Variants in DDX31 observed in about 807,000 individuals in gnomAD.
DDX31 encodes the protein ATP-dependent DNA helicase DDX31.
In DDX31, 70 loss-of-function variants were observed where a neutral mutation model predicts 91.3. That is an observed-to-expected ratio of 0.77 (90% confidence interval 0.63 to 0.94). The LOEUF is 0.94. Ranked by LOEUF, DDX31 falls within the 40% of genes least tolerant of loss-of-function variation. The pLI, the probability that DDX31 is intolerant of heterozygous loss-of-function variation, is 0.00. For missense variants in DDX31, 902 were observed against 925.0 expected, an observed-to-expected ratio of 0.98 and a Z score of 0.32; for synonymous variants, 362 against 350.6, an observed-to-expected ratio of 1.03 and a Z score of -0.36.
In DDX31 at chr9:132,594,705, G is replaced by T; in HGVS notation, c.*161C>A. The T allele has an allele frequency of 8.3e-7, 1 of 1,198,058 alleles. No individual in the cohort carries two copies. Among genetic ancestry groups the T allele is most frequent in the Non-Finnish European group, 1.2e-6 (1 of 857,316 alleles). 74.2% of individuals were successfully genotyped at this position (1,198,058 alleles called of 1,614,324 possible). ...CCACTGATTTCTATCAGGCTCCAGG[G>T]CCTCCCATGGAGGAGAAGGGCTGTG... On this transcript the variant is annotated 3_prime_UTR_variant, in exon 20 of 20. Transcript: ENST00000372159.
At chr9:132,665,957 T>C (rs555021858) in intron 1 of DDX31, among the ~76,000 whole-genome samples, 1 of 152,366 alleles carries the variant, frequency 6.6e-6, no homozygotes, top group South Asian at 2.1e-4. Context: ...AACAATACTA[T>C]AATCCCTTTT....
intron 6 of DDX31, among the ~76,000 whole-genome samples, chr9:132,655,585 T>C (rs549059087): frequency 3.3e-5 from 5 of 152,186 alleles, no homozygotes; most frequent in Admixed American, 2.0e-4. Flanking sequence ...AAAGTGGGAA[T>C]AGATGACTTT....
intron 16 of DDX31, among the ~76,000 whole-genome samples, chr9:132,627,085 T>C (rs1350333415): frequency 6.6e-6 from 1 of 152,178 alleles, no homozygotes; most frequent in East Asian, 1.9e-4. Context: ...TCTGATTTGC[T>C]TCTATTCATC....
Position 132,669,733 on chromosome 9 carries a change from C to T in DDX31, c.75+127G>A, listed in dbSNP as rs919078113. The T allele has an allele frequency of 3.3e-6, 5 of 1,530,430 alleles. No homozygotes were observed. In the East Asian group the frequency reaches 7.3e-5, roughly 22 times the overall value. The allele number at this position is 1,530,430 out of a possible 1,614,324, so 94.8% of individuals were successfully genotyped here. On this transcript the variant is annotated intron_variant, in intron 1 of 19. Coordinates refer to ENST00000372159, the MANE Select transcript of DDX31 (RefSeq NM_022779.9). ...CGGCGCAACTTGTCCCGAAGCTGCC[C>T]GGTGTCTTTCTCCCGCTTAACTCCG...
chr9:132,669,806 C>A, intron 1 of DDX31, 54 bp downstream of exon 1: 1 of 1,524,386 alleles, frequency 6.6e-7, no homozygotes, highest in Non-Finnish European at 8.8e-7. Flanking sequence ...GCTCGCGGCG[C>A]GCCCACAGCC....
In DDX31 at chr9:132,664,713, G is replaced by A. The variant is rs559912744; in HGVS notation, c.76-2018C>T. Among the ~76,000 whole-genome samples, 31 of 65,120 alleles carry A rather than the reference G, an allele frequency of 4.8e-4. 1 individual carries two copies. The South Asian group carries it at 7.7e-3, about 16-fold the overall frequency. 42.7% of individuals were successfully genotyped at this position (65,120 alleles called of 152,430 possible). On this transcript the variant is annotated intron_variant, in intron 1 of 19. Coordinates refer to ENST00000372159, the MANE Select transcript of DDX31 (RefSeq NM_022779.9). Reference sequence around the variant, plus strand: ...GCCTGGGTGACAGAGTAAGACCCTCGCTCAAAAAAAAAAAAAAAAAAAAAC... The same window carrying A: ...GCCTGGGTGACAGAGTAAGACCCTCACTCAAAAAAAAAAAAAAAAAAAAAC...
intron 19 of DDX31, among the ~76,000 whole-genome samples, chr9:132,596,580 C>T (rs1007620624): frequency 1.3e-5 from 2 of 152,332 alleles, no homozygotes; most frequent in African/African-American, 4.8e-5. Flanking sequence ...TTACAATCCT[C>T]GCTCAACAAG....
chr9:132,647,162 G>GT, intron 11 of DDX31, 104 bp from the exon 12 acceptor site: 4 of 1,014,292 alleles, frequency 3.9e-6, no homozygotes, highest in Non-Finnish European at 1.5e-6. Flanking sequence ...TTAGGACTAC[G>GT]TATGTTACCC....
intron 19 of DDX31, among the ~76,000 whole-genome samples, chr9:132,606,382 G>A (rs574510554): frequency 5.9e-5 from 9 of 152,282 alleles, no homozygotes; most frequent in African/African-American, 1.4e-4. Context: ...CTTAATGCTC[G>A]TCTTTGAGGG....
intron 6 of DDX31, chr9:132,658,056 T>C (rs1452956158): frequency 8.3e-6 from 4 of 480,482 alleles, no homozygotes; most frequent in Non-Finnish European, 1.1e-5. Context: ...ATGCTTTATA[T>C]ACAACACAGA....
At chr9:132,669,616 G>A (rs1272406975) in intron 1 of DDX31, 15 of 1,523,776 alleles carry the variant, frequency 9.8e-6, no homozygotes, top group Non-Finnish European at 1.2e-5. Flanking sequence ...TTTTCTAGGC[G>A]CAGGAGCCAG....
intron 14 of DDX31, among the ~76,000 whole-genome samples, chr9:132,636,528 C>T (rs1162726327): frequency 6.6e-6 from 1 of 152,210 alleles, no homozygotes; most frequent in Non-Finnish European, 1.5e-5. Context: ...TCTAAAATAA[C>T]ATGTGACGTT....
At chr9:132,638,462 TC>T in intron 14 of DDX31, 1 of 1,519,992 alleles carries the variant, frequency 6.6e-7, no homozygotes, top group Non-Finnish European at 9.1e-7. Flanking sequence ...GCTTTGAACT[TC>T]CAATGACTCC....
Position 132,594,786 on chromosome 9 carries a change from A to C in DDX31, c.*80T>G, listed in dbSNP as rs1589945260. The C allele has an allele frequency of 6.4e-7, 1 of 1,556,236 alleles. No homozygotes were observed. The highest frequency in any genetic ancestry group is 8.7e-7 in the Non-Finnish European group (1 of 1,153,150). ...AGGCAAAGGCGCAGTTATTTTTCAC[A>C]AGCCTCCTCTGACAAGAACTGGACA... On this transcript the variant is annotated 3_prime_UTR_variant, in exon 20 of 20. Transcript: ENST00000372159.
chr9:132,634,465 T>TA (rs2130691093), intron 14 of DDX31, among the ~76,000 whole-genome samples: 1 of 151,802 alleles, frequency 6.6e-6, no homozygotes, highest in African/African-American at 2.4e-5. Flanking sequence ...ACATACCTCC[T>TA]AAGTAAAAGG....
intron 14 of DDX31, among the ~76,000 whole-genome samples, chr9:132,634,531 A>C (rs560636240): frequency 7.9e-5 from 12 of 151,858 alleles, no homozygotes; most frequent in African/African-American, 2.9e-4. Context: ...TTAATGCTGA[A>C]TAGCATTTTC....
intron 3 of DDX31, among the ~76,000 whole-genome samples, chr9:132,661,689 G>C (rs932013616): frequency 6.6e-6 from 1 of 152,186 alleles, no homozygotes; most frequent in African/African-American, 2.4e-5. Context: ...AAAGTGCAGA[G>C]GAAACCAAGC....
rs751903287 is a variant in DDX31 at position 132,659,767 on chromosome 9, T to G, written c.466A>C (p.Ser156Arg). The change falls in exon 5 of 20, where the codon AGT becomes CGT. Residue 156 changes from serine to arginine, a missense_variant. By Grantham distance (110) the Ser-to-Arg change is moderately radical (BLOSUM62 -1). Transcript: ENST00000372159. Reference protein sequence around the residue: ...MSSMTSVQKQSIPVLLEGRDA... With the variant: ...MSSMTSVQKQRIPVLLEGRDA... ...CTGCCTTCCAGCAACACAGGAATAC[T>G]TTGCTTCTGAACACTGGGCCACCCG... The G allele has an allele frequency of 1.8e-5, 29 of 1,613,120 alleles. No individual in the cohort carries two copies. The highest frequency in any genetic ancestry group is 2.4e-5 in the Non-Finnish European group (28 of 1,179,630).
At chr9:132,626,123 G>A (rs1482689648) in intron 16 of DDX31, among the ~76,000 whole-genome samples, 4 of 144,698 alleles carry the variant, frequency 2.8e-5, no homozygotes, top group African/African-American at 1.1e-4. Context: ...GGTCTCTTTA[G>A]TTTATACTGA....
Sources: allele counts gnomAD v4.1 joint callset (sites outside exome capture counted in the v4.1 genomes callset), GRCh38; gene constraint gnomAD v4.1.1; transcripts MANE v1.5; gene names NCBI Gene and HGNC (gene_info 2026-07-23, HGNC 2026-07-21).